LGALS4: variants seen among roughly 807,000 people sequenced by gnomAD.
The protein encoded by LGALS4 is galectin-4.
Under a neutral mutation model 39.6 loss-of-function variants are expected in LGALS4, and 37 were observed. The observed-to-expected ratio is 0.93, with a 90% CI of 0.72 to 1.23. The LOEUF is 1.23. LGALS4 is among the 50% of genes most tolerant of loss of function. The probability of loss-of-function intolerance (pLI) is 0.00; values close to 1 mark genes in which losing one functional copy is unlikely to be tolerated. For synonymous variants in LGALS4, 160 were observed against 165.5 expected, an observed-to-expected ratio of 0.97 and a Z score of 0.25; for missense variants, 397 against 433.2, an observed-to-expected ratio of 0.92 and a Z score of 0.74.
At chr19:38,812,013 CAAAACAAAAAAA>C (rs986295972) in intron 2 of LGALS4, among the ~76,000 whole-genome samples, 4 of 112,058 alleles carry the variant, frequency 3.6e-5, no homozygotes, top group Admixed American at 2.6e-4. Context: ...AACTCCATCT[CAAAACAAAAAAA>C]AAAACAAAAA....
At chr19:38,804,988 CCT>C (rs958090137) in intron 4 of LGALS4, among the ~76,000 whole-genome samples, 1 of 151,470 alleles carries the variant, frequency 6.6e-6, no homozygotes, top group Non-Finnish European at 1.5e-5. Context: ...AAATTCCTCC[CCT>C]CTGTCTTTAC....
chr19:38,802,070 G>A lies in LGALS4; in HGVS notation c.747C>T (p.Asn249=), dbSNP rs1445860315. The A allele has an allele frequency of 1.2e-6, 2 of 1,614,138 alleles. No homozygotes were observed. The highest frequency in any genetic ancestry group is 4.5e-5 in the East Asian group (2 of 44,896). ...ATCCCCACGAGCCATTCAGAAGGCTGTTCCGGACCACGGTACCGTTGCCCA... is the reference window on the plus strand; with the variant it reads ...ATCCCCACGAGCCATTCAGAAGGCTATTCCGGACCACGGTACCGTTGCCCA... ...PRMGNGTVVR[N]SLLNGSWGSE... is the part of the protein sequence containing the mutation. Residue 249 remains asparagine (N), a synonymous_variant, in exon 9 of 10, where the codon AAC becomes AAT. Coordinates refer to ENST00000307751, the MANE Select transcript of LGALS4 (RefSeq NM_006149.4).
chr19:38,803,949 G>C (rs73040767), intron 4 of LGALS4, 54 bp from the exon 5 acceptor site: 291 of 1,560,310 alleles, frequency 1.9e-4, no homozygotes, highest in Non-Finnish European at 2.4e-4. Flanking sequence ...ATTTGCGACT[G>C]AAAGATGTCG....
chr19:38,804,682 C>T (rs1001152327), intron 4 of LGALS4, among the ~76,000 whole-genome samples: 1 of 151,876 alleles, frequency 6.6e-6, no homozygotes, highest in Non-Finnish European at 1.5e-5. Flanking sequence ...TTTATATAGC[C>T]GGGCGTGGTG....
At chr19:38,808,721 A>G (rs770703593) in intron 3 of LGALS4, 23 bp downstream of exon 3, 45 of 1,603,460 alleles carry the variant, frequency 2.8e-5, no homozygotes, top group Non-Finnish European at 3.8e-5. Flanking sequence ...CAGCTTGGGA[A>G]ACAAGAGAGA....
At chr19:38,808,274 A>G (rs144947382) in intron 3 of LGALS4, among the ~76,000 whole-genome samples, 4,041 of 151,682 alleles carry the variant, frequency 0.027, 79 homozygotes, top group Non-Finnish European at 0.041. Flanking sequence ...GGGAAGGGGG[A>G]AGGAAGGAGG....
chr19:38,810,354 C>CCTT (rs1971477929), intron 2 of LGALS4, among the ~76,000 whole-genome samples: 1 of 92,876 alleles, frequency 1.1e-5, no homozygotes, highest in African/African-American at 5.0e-5. Context: ...GAGATTTCGC[C>CCTT]TTTTTTTTTT....
At position 38,803,785 on chromosome 19, in the gene LGALS4, A is replaced by T; in HGVS notation, c.502-5T>A. 6.2e-7 allele frequency: 1 copy of T among 1,613,686 alleles called. No individual in the cohort carries two copies. Among genetic ancestry groups the T allele is most frequent in the Non-Finnish European group, 8.5e-7 (1 of 1,179,862 alleles). On this transcript the variant is annotated splice_region_variant and splice_polypyrimidine_tract_variant and intron_variant, in intron 5 of 9. Transcript: ENST00000307751. ...TTGATGGCAATGTCCGGGACCCTGA[A>T]CGATGGACAGAAGGCAGGAAGGGTG...
intron 2 of LGALS4, among the ~76,000 whole-genome samples, chr19:38,810,399 T>G (rs902613317): frequency 6.9e-5 from 10 of 144,282 alleles, no homozygotes; most frequent in East Asian, 4.0e-4. Context: ...GTCTCGCTCT[T>G]TCGCCCAGGC....
intron 7 of LGALS4, chr19:38,803,208 T>G: frequency 2.7e-6 from 1 of 375,600 alleles, no homozygotes; most frequent in East Asian, 4.7e-5. Flanking sequence ...AGAGACAGAG[T>G]TTCACTATGC....
At position 38,802,717 on chromosome 19, in the gene LGALS4, G is replaced by A. The variant is rs527528305; in HGVS notation, c.571-313C>T. 1.7e-4 allele frequency among the ~76,000 whole-genome samples: 26 copies of A among 150,306 alleles called. No homozygotes were observed. The East Asian group carries it at 3.1e-3, about 18-fold the overall frequency. On this transcript the variant is annotated intron_variant, in intron 7 of 9. Transcript: ENST00000307751. The stretch of plus-strand genomic sequence containing the variant: ...TTTTTAGGCAGAGTCTCCCTCTGAC[G>A]CCCAGGCTGGAGTGTAGTGGCATAA...
At position 38,806,346 on chromosome 19, in the gene LGALS4, C is replaced by T. The variant is rs546740766; in HGVS notation, c.474+115G>A. 1,466 of 1,203,338 alleles carry T rather than the reference C, an allele frequency of 1.2e-3. 15 individuals are homozygous for T. The African/African-American group carries it at 0.02, about 17-fold the overall frequency. 74.5% of individuals were successfully genotyped at this position (1,203,338 alleles called of 1,614,324 possible). A position where few individuals can be genotyped will look rare whatever the true frequency, so the allele number is the denominator to read the frequency against. ...TCGCGCCACTGCACTCCAACCTGGG[C>T]GACAGAGTGAGACTCCGTCTCAAAA... On this transcript the variant is annotated intron_variant, in intron 4 of 9. Transcript: ENST00000307751.
chr19:38,804,441 A>T (rs1599992222), intron 4 of LGALS4, among the ~76,000 whole-genome samples: 1 of 152,024 alleles, frequency 6.6e-6, no homozygotes, highest in East Asian at 1.9e-4. Context: ...CACCACGCCC[A>T]GCTAATTTTG....
intron 9 of LGALS4, 39 bp downstream of exon 9, chr19:38,801,953 G>C: frequency 6.2e-7 from 1 of 1,613,908 alleles, no homozygotes; most frequent in Non-Finnish European, 8.5e-7. Flanking sequence ...CCAGGACTGA[G>C]GCCCTGGAAG....
rs529900435 is a variant in LGALS4 at position 38,812,029 on chromosome 19, AC to A, written c.134+401del. Among the ~76,000 whole-genome samples the A allele has an allele frequency of 2.3e-3, 351 of 149,542 alleles. 1 individual carries two copies. The highest frequency in any genetic ancestry group is 7.8e-3 in the African/African-American group (313 of 40,226). Reference sequence around the variant, plus strand: ...ACTCCATCTCAAAACAAAAAAAAAAACAAAAAAAACAAAAACAGAAAAGAAA... The same window carrying A: ...ACTCCATCTCAAAACAAAAAAAAAAAAAAAAAAACAAAAACAGAAAAGAAA... On this transcript the variant is annotated intron_variant, in intron 2 of 9. Coordinates refer to ENST00000307751, the MANE Select transcript of LGALS4 (RefSeq NM_006149.4).
At chr19:38,809,645 T>A (rs1015678346) in intron 2 of LGALS4, among the ~76,000 whole-genome samples, 2 of 30,444 alleles carry the variant, frequency 6.6e-5, no homozygotes, top group Non-Finnish European at 1.1e-4. Flanking sequence ...TATGCCTGGC[T>A]TTTTTTTTTT....
chr19:38,806,742 T>G (rs1437795102), intron 3 of LGALS4, 147 bp from the exon 4 acceptor site: 8 of 737,662 alleles, frequency 1.1e-5, no homozygotes, highest in Non-Finnish European at 1.5e-5. Context: ...AGATCAGGAG[T>G]GTGAGACCAG....
intron 8 of LGALS4, 40 bp downstream of exon 8, chr19:38,802,276 G>A: frequency 1.2e-6 from 2 of 1,600,090 alleles, no homozygotes; most frequent in Non-Finnish European, 8.6e-7. Context: ...GGGTCTGAGG[G>A]AGGAGGGGGC....
rs1049745796 is a variant in LGALS4, at chr19:38,801,689, C to T, written c.*75G>A. On this transcript the variant is annotated 3_prime_UTR_variant, in exon 10 of 10. Transcript: ENST00000307751. ...CACACACTCATGAGACACCCTCAGA[C>T]ATTTTATTAGGGGCTTAGAAAGGAG... 6.6e-7 allele frequency: 1 copy of T among 1,518,868 alleles called. No homozygotes were observed. Among genetic ancestry groups the T allele is most frequent in the African/African-American group, 1.4e-5 (1 of 72,650 alleles). 94.1% of individuals were successfully genotyped at this position (1,518,868 alleles called of 1,614,324 possible). A position where few individuals can be genotyped will look rare whatever the true frequency, so the allele number is the denominator to read the frequency against.
Sources: allele counts gnomAD v4.1 joint callset (sites outside exome capture counted in the v4.1 genomes callset), GRCh38; gene constraint gnomAD v4.1.1; transcripts MANE v1.5; gene names NCBI Gene and HGNC (gene_info 2026-07-23, HGNC 2026-07-21).